RAD17: variants seen among roughly 807,000 people sequenced by gnomAD.
RAD17 encodes RAD17 checkpoint clamp loader component, also known as cell cycle checkpoint protein RAD17.
Under a neutral mutation model 81.5 loss-of-function variants are expected in RAD17, and 31 were observed. That is an observed-to-expected ratio of 0.38 (90% CI 0.29 to 0.51). The LOEUF is 0.51. RAD17 is among the 20% of genes least tolerant of loss of function. The pLI is 0.88. For synonymous variants in RAD17, 261 were observed against 266.2 expected, an observed-to-expected ratio of 0.98 and a Z score of 0.19; for missense variants, 681 against 781.2, an observed-to-expected ratio of 0.87 and a Z score of 1.53.
chr5:69,385,473 G>A (rs538113987), intron 8 of RAD17, among the ~76,000 whole-genome samples: 19 of 151,830 alleles, frequency 1.3e-4, no homozygotes, highest in Admixed American at 4.6e-4. Flanking sequence ...GTTTTGCCAC[G>A]TTGGCCAGGC....
chr5:69,407,567 T>TTTTTC (rs1765691102), intron 17 of RAD17, among the ~76,000 whole-genome samples: 2 of 112,516 alleles, frequency 1.8e-5, no homozygotes, highest in African/African-American at 3.6e-5. Flanking sequence ...TCCAAGTTTT[T>TTTTTC]TTTTTTTTTT....
intron 5 of RAD17, among the ~76,000 whole-genome samples, chr5:69,374,398 G>A (rs1223110602): frequency 6.6e-6 from 1 of 152,078 alleles, no homozygotes; most frequent in African/African-American, 2.4e-5. Flanking sequence ...TTTAAAAAAT[G>A]TTATAACTGC....
intron 6 of RAD17, among the ~76,000 whole-genome samples, chr5:69,379,518 G>C (rs529526104): frequency 6.6e-6 from 1 of 152,086 alleles, no homozygotes; most frequent in Non-Finnish European, 1.5e-5. Flanking sequence ...AGGACTTTAT[G>C]TAGCTTTTTT....
intron 18 of RAD17, among the ~76,000 whole-genome samples, chr5:69,411,739 C>G (rs557436338): frequency 6.6e-6 from 1 of 152,302 alleles, no homozygotes; most frequent in South Asian, 2.1e-4. Context: ...CTTCTCACAT[C>G]CCTCTGAATG....
chr5:69,413,480 A>G (rs1030681914), intron 18 of RAD17, among the ~76,000 whole-genome samples: 2 of 152,130 alleles, frequency 1.3e-5, no homozygotes, highest in African/African-American at 4.8e-5. Context: ...TGAAGACATT[A>G]TTTCTTTTTA....
intron 15 of RAD17, among the ~76,000 whole-genome samples, chr5:69,393,945 A>G (rs299079): frequency 0.49 from 61,329 of 124,748 alleles, 14,557 homozygotes; most frequent in Admixed American, 0.55. Flanking sequence ...AAGAGGCTCT[A>G]TCTACAGCTA....
At chr5:69,402,654 CAA>C (rs35516042) in intron 17 of RAD17, among the ~76,000 whole-genome samples, 5 of 123,914 alleles carry the variant, frequency 4.0e-5, no homozygotes, top group African/African-American at 6.2e-5. Context: ...GACTCTGTCT[CAA>C]AAAAAAAAAA....
rs1239024086 is a variant in RAD17, at chr5:69,391,913, A to G, written c.1089A>G (p.Lys363=). ...AVLSKSKRRK[K]PDRVFENQEV... ...TGTCAAAATCAAAACGAAGAAAAAA[A>G]CCTGATAGGGTTTTTGAAAATCAAG... The change falls in exon 13 of 19, where the codon AAA becomes AAG. Residue 363 remains lysine, a synonymous_variant. Transcript: ENST00000354868. The G allele has an allele frequency of 1.3e-6, 2 of 1,595,952 alleles. No homozygotes were observed. The highest frequency in any genetic ancestry group is 2.7e-5 in the African/African-American group (2 of 73,478).
chr5:69,369,607 C>G, upstream of RAD17: 1 of 1,583,248 alleles, frequency 6.3e-7, no homozygotes, highest in Non-Finnish European at 8.6e-7. Context: ...CGAAGCCCAC[C>G]GCGGCGCCCC....
Position 69,372,151 on chromosome 5 carries a change from AT to A in RAD17, c.-57del, listed in dbSNP as rs1172057986. ...GAAAGATATTTTCATACTCTCAAAA[AT>A]ATAGAGGAAAGGGGCCAAGATTATA... On this transcript the variant is annotated 5_prime_UTR_variant, in exon 4 of 19. The change abolishes the stop of an existing upstream ORF in the 5' untranslated region. Coordinates refer to ENST00000354868, the MANE Select transcript of RAD17 (RefSeq NM_133338.3). 2.5e-6 allele frequency: 4 copies of A among 1,575,452 alleles called. No individual in the cohort carries two copies. The highest frequency in any genetic ancestry group is 3.5e-6 in the Non-Finnish European group (4 of 1,156,536).
At chr5:69,407,229 C>T (rs1765659935) in intron 17 of RAD17, among the ~76,000 whole-genome samples, 1 of 152,070 alleles carries the variant, frequency 6.6e-6, no homozygotes, top group Non-Finnish European at 1.5e-5. Flanking sequence ...TCTCAAACTC[C>T]TAACCTCAGG....
chr5:69,388,994 A>T, intron 11 of RAD17, 40 bp from the exon 12 acceptor site: 2 of 1,090,678 alleles, frequency 1.8e-6, no homozygotes, highest in Non-Finnish European at 2.5e-6. Flanking sequence ...TGTTATTTTT[A>T]AGAAAATACT....
intron 12 of RAD17, among the ~76,000 whole-genome samples, 191 bp downstream of exon 12, chr5:69,389,336 A>G (rs545332451): frequency 6.6e-6 from 1 of 152,342 alleles, no homozygotes; most frequent in South Asian, 2.1e-4. Context: ...GTCGTAGTAT[A>G]TATCCTTGTT....
chr5:69,412,994 A>G (rs1449141717), intron 18 of RAD17, among the ~76,000 whole-genome samples: 2 of 152,170 alleles, frequency 1.3e-5, no homozygotes, highest in East Asian at 3.8e-4. Flanking sequence ...CAAAAAAAAA[A>G]AAAGATGACA....
chr5:69,406,319 A>G (rs1476383931), intron 17 of RAD17, among the ~76,000 whole-genome samples: 1 of 152,214 alleles, frequency 6.6e-6, no homozygotes, highest in Non-Finnish European at 1.5e-5. Context: ...ATTCTCACTT[A>G]TATAGGAGCT....
At chr5:69,400,485 G>C (rs1765196612) in intron 17 of RAD17, among the ~76,000 whole-genome samples, 1 of 151,944 alleles carries the variant, frequency 6.6e-6, no homozygotes, top group South Asian at 2.1e-4. Flanking sequence ...CAGAGTGCTG[G>C]GATTACAGGT....
At chr5:69,389,883 G>A (rs1046181600) in intron 12 of RAD17, among the ~76,000 whole-genome samples, 6 of 152,230 alleles carry the variant, frequency 3.9e-5, no homozygotes, top group South Asian at 2.1e-4. Flanking sequence ...TGATCCGCCC[G>A]CCTCGGCCTC....
intron 16 of RAD17, among the ~76,000 whole-genome samples, chr5:69,399,337 TTG>T (rs554658096): frequency 2.3e-3 from 348 of 152,266 alleles, no homozygotes; most frequent in Non-Finnish European, 4.2e-3. Context: ...ATCTGCCCCT[TTG>T]AGATGAGAGT....
At chr5:69,376,792 C>G (rs528409360) in intron 6 of RAD17, among the ~76,000 whole-genome samples, 9 of 150,532 alleles carry the variant, frequency 6.0e-5, no homozygotes, top group African/African-American at 2.2e-4. Flanking sequence ...CTTGCTTTGT[C>G]ACACAGGCTA....
Sources: gnomAD v4.1 joint callset for allele counts (sites outside exome capture counted in the v4.1 genomes callset) on GRCh38, gnomAD v4.1.1 for gene constraint, MANE v1.5 for transcripts, NCBI Gene and HGNC (gene_info 2026-07-23, HGNC 2026-07-21) for gene names.